The following EPHA3 variants were observed in gnomAD, a reference collection of about 807,000 sequenced individuals.
EPHA3 encodes the protein EPH receptor A3, also known as ephrin type-A receptor 3.
Under a neutral mutation model 107.1 loss-of-function variants are expected in EPHA3, and 42 were observed. The ratio of observed to expected loss-of-function variants is 0.39; its 90% CI spans 0.31 to 0.51. The LOEUF (loss-of-function observed/expected upper bound fraction) is 0.51, where lower values mean the gene tolerates loss of function less well. EPHA3 is among the 20% of genes least tolerant of loss of function. The pLI is 0.78. For missense variants in EPHA3, 1,183 were observed against 1,211.2 expected (o/e 0.98, Z 0.35); for synonymous variants, 461 against 424.8 (o/e 1.09, Z -1.05).
intron 2 of EPHA3, among the ~76,000 whole-genome samples, chr3:89,194,936 T>C (rs1418875359): frequency 2.0e-5 from 3 of 152,098 alleles, no homozygotes; most frequent in Non-Finnish European, 2.9e-5. Flanking sequence ...ATTTCGATAA[T>C]ACAGTATTTC....
At chr3:89,333,584 T>TAAC (rs1181794305) in intron 3 of EPHA3, among the ~76,000 whole-genome samples, 12 of 152,244 alleles carry the variant, frequency 7.9e-5, no homozygotes, top group African/African-American at 2.9e-4. Context: ...AAATAAAACC[T>TAAC]AACTGCAGGC....
At chr3:89,424,045 C>T (rs1307047267) in intron 11 of EPHA3, among the ~76,000 whole-genome samples, 1 of 151,366 alleles carries the variant, frequency 6.6e-6, no homozygotes, top group Non-Finnish European at 1.5e-5. Flanking sequence ...AGTATCACCT[C>T]TAAATGCCGA....
At chr3:89,443,586 CA>C (rs1235370515) in intron 13 of EPHA3, among the ~76,000 whole-genome samples, 2 of 152,060 alleles carry the variant, frequency 1.3e-5, no homozygotes, top group African/African-American at 2.4e-5. Context: ...ACAAAATTAT[CA>C]GAAATCTTTA....
At chr3:89,343,619 A>G (rs1707582350) in intron 5 of EPHA3, among the ~76,000 whole-genome samples, 1 of 152,190 alleles carries the variant, frequency 6.6e-6, no homozygotes, top group South Asian at 2.1e-4. Context: ...GTCCATCCAT[A>G]TTCAAATATG....
At chr3:89,161,490 G>A (rs1481061053) in intron 2 of EPHA3, among the ~76,000 whole-genome samples, 2 of 152,014 alleles carry the variant, frequency 1.3e-5, no homozygotes, top group African/African-American at 4.8e-5. Flanking sequence ...GTATCTTGGA[G>A]ATCTTTCATA....
At chr3:89,213,309 A>G (rs1704151575) in intron 3 of EPHA3, among the ~76,000 whole-genome samples, 2 of 152,014 alleles carry the variant, frequency 1.3e-5, no homozygotes, top group South Asian at 4.1e-4. Flanking sequence ...CTAATTGAGT[A>G]GGTTCTCAAG....
intron 3 of EPHA3, among the ~76,000 whole-genome samples, chr3:89,303,069 A>AT (rs1260698024): frequency 6.6e-6 from 1 of 151,318 alleles, no homozygotes; most frequent in Non-Finnish European, 1.5e-5. Flanking sequence ...AGTTTTTTCT[A>AT]TTTTTTTGTA....
chr3:89,148,804 T>C (rs1247332701), intron 2 of EPHA3, among the ~76,000 whole-genome samples: 2 of 152,064 alleles, frequency 1.3e-5, no homozygotes, highest in African/African-American at 4.8e-5. Flanking sequence ...TCCTGTCACT[T>C]GCATGTCAAC....
At chr3:89,347,875 T>C (rs1018145375) in intron 5 of EPHA3, among the ~76,000 whole-genome samples, 20 of 151,428 alleles carry the variant, frequency 1.3e-4, no homozygotes, top group African/African-American at 4.3e-4. Context: ...GAGATAATCA[T>C]GTGGTTTTTG....
chr3:89,114,449 G>A (rs1239788545), intron 1 of EPHA3, among the ~76,000 whole-genome samples: 1 of 152,104 alleles, frequency 6.6e-6, no homozygotes, highest in Non-Finnish European at 1.5e-5. Context: ...TGCTCACTCT[G>A]CATCAAATTA....
rs534775052 is a variant in EPHA3, at chr3:89,184,425, G to T, written c.154-25435G>T. The stretch of plus-strand genomic sequence containing the variant: ...ATTCATTGGGCTGGTTGTTTACATT[G>T]GCATTAATCTAATTACATTCCGGTT... On this transcript the variant is annotated intron_variant, in intron 2 of 16. Transcript: ENST00000336596. Among the ~76,000 whole-genome samples the T allele has an allele frequency of 7.2e-5, 11 of 152,028 alleles. No homozygotes were observed. The South Asian group carries it at 2.3e-3, about 32-fold the overall frequency.
intron 11 of EPHA3, among the ~76,000 whole-genome samples, chr3:89,426,131 C>A (rs369211242): frequency 6.6e-6 from 1 of 151,596 alleles, no homozygotes; most frequent in Non-Finnish European, 1.5e-5. Context: ...TTTCTGAGAG[C>A]CGCAAATGAT....
At chr3:89,422,192 A>AAC (rs56370135) in intron 11 of EPHA3, among the ~76,000 whole-genome samples, 25,336 of 140,380 alleles carry the variant, frequency 0.18, 2,239 homozygotes, top group African/African-American at 0.22. Flanking sequence ...TGTTGTATTT[A>AAC]ACACACACAC....
At chr3:89,391,532 A>G (rs1287324516) in intron 5 of EPHA3, among the ~76,000 whole-genome samples, 1 of 146,344 alleles carries the variant, frequency 6.8e-6, no homozygotes, top group African/African-American at 2.6e-5. Flanking sequence ...GGTTCACGCC[A>G]TTCTCCTGCC....
intron 5 of EPHA3, among the ~76,000 whole-genome samples, chr3:89,371,374 A>G (rs1159183124): frequency 1.3e-5 from 2 of 151,638 alleles, no homozygotes; most frequent in South Asian, 2.1e-4. Context: ...GCCCTTAACT[A>G]TCGTCGACAT....
chr3:89,108,146 T>C (rs1168132421), intron 1 of EPHA3, among the ~76,000 whole-genome samples: 2 of 152,190 alleles, frequency 1.3e-5, no homozygotes, highest in Non-Finnish European at 2.9e-5. Flanking sequence ...GTTATGTTAA[T>C]TGCCAAATAG....
intron 5 of EPHA3, among the ~76,000 whole-genome samples, chr3:89,362,576 C>A (rs1406354162): frequency 1.3e-5 from 2 of 151,048 alleles, no homozygotes; most frequent in African/African-American, 4.8e-5. Flanking sequence ...ATGAGCAATG[C>A]AGAAAGTAAT....
chr3:89,117,766 T>G (rs147492088), intron 1 of EPHA3, among the ~76,000 whole-genome samples: 1 of 152,236 alleles, frequency 6.6e-6, no homozygotes, highest in East Asian at 1.9e-4. Context: ...ACCATTGATT[T>G]ATTTGTCACT....
chr3:89,277,713 G>C (rs1289446649), intron 3 of EPHA3, among the ~76,000 whole-genome samples: 3 of 152,072 alleles, frequency 2.0e-5, no homozygotes, highest in Non-Finnish European at 4.4e-5. Flanking sequence ...TGATGCCCTA[G>C]TGTTCTATTG....
Sources: gnomAD v4.1 joint callset for allele counts (sites outside exome capture counted in the v4.1 genomes callset) on GRCh38, gnomAD v4.1.1 for gene constraint, MANE v1.5 for transcripts, NCBI Gene and HGNC (gene_info 2026-07-23, HGNC 2026-07-21) for gene names.